GPC6: variants seen among roughly 807,000 people sequenced by gnomAD.
GPC6 encodes glypican-6.
GPC6 carries 14 observed loss-of-function variants against 55.2 expected under a neutral mutation model. That is an observed-to-expected ratio of 0.25 (90% CI 0.17 to 0.40). The LOEUF (loss-of-function observed/expected upper bound fraction) is 0.40, where lower values mean the gene tolerates loss of function less well. Ranked by LOEUF, GPC6 falls within the 10% of genes least tolerant of loss-of-function variation. The pLI is 1.00. For synonymous variants in GPC6, 278 were observed against 259.6 expected (o/e 1.07, Z -0.68); for missense variants, 641 against 708.5 (o/e 0.90, Z 1.08).
At chr13:93,459,217 C>T (rs1170448461) in intron 1 of GPC6, among the ~76,000 whole-genome samples, 2 of 152,150 alleles carry the variant, frequency 1.3e-5, no homozygotes, top group Non-Finnish European at 1.5e-5. Context: ...GGCCACCACA[C>T]CCAGCCAATT....
At chr13:93,667,322 G>A (rs1253914296) in intron 2 of GPC6, among the ~76,000 whole-genome samples, 3 of 152,020 alleles carry the variant, frequency 2.0e-5, no homozygotes, top group Non-Finnish European at 2.9e-5. Flanking sequence ...GATAATTCCA[G>A]ACGATGTAAA....
intron 1 of GPC6, among the ~76,000 whole-genome samples, chr13:93,382,453 C>T (rs1875221288): frequency 3.3e-5 from 5 of 152,090 alleles, no homozygotes; most frequent in Middle Eastern, 3.4e-3. Flanking sequence ...ACTTTTTCTC[C>T]ACTTTGTATT....
intron 2 of GPC6, among the ~76,000 whole-genome samples, chr13:93,666,344 T>TA (rs1035319043): frequency 4.2e-4 from 62 of 146,466 alleles, no homozygotes; most frequent in African/African-American, 7.0e-4. Flanking sequence ...ATTTATACTT[T>TA]AAAAAAAAAA....
In GPC6 at chr13:93,664,657, G is replaced by A. The variant is rs532102580; in HGVS notation, c.319+119236G>A. Among the ~76,000 whole-genome samples, 18 of 151,988 alleles carry A rather than the reference G, an allele frequency of 1.2e-4. No homozygotes were observed. In the South Asian group the frequency reaches 2.3e-3, roughly 19 times the overall value. On this transcript the variant is annotated intron_variant, in intron 2 of 8. Transcript: ENST00000377047. ...TTTTGAGACAGAGTCTCACTCTGTC[G>A]CCCAGGCTGGAGTGCAGTCATGTGA...
chr13:93,735,137 T>C (rs1883951900), intron 2 of GPC6, among the ~76,000 whole-genome samples: 2 of 152,272 alleles, frequency 1.3e-5, no homozygotes, highest in Middle Eastern at 3.4e-3. Flanking sequence ...TGTTTTCCAA[T>C]ATAAAGGAAA....
chr13:94,018,942 C>T (rs1181940876), intron 3 of GPC6, among the ~76,000 whole-genome samples: 1 of 152,192 alleles, frequency 6.6e-6, no homozygotes, highest in Non-Finnish European at 1.5e-5. Flanking sequence ...ACCATTCCCC[C>T]ACCCCCACAC....
At chr13:94,178,218 T>G (rs1012262336) in intron 4 of GPC6, among the ~76,000 whole-genome samples, 1 of 152,044 alleles carries the variant, frequency 6.6e-6, no homozygotes, top group Non-Finnish European at 1.5e-5. Context: ...AGGTTGCTCT[T>G]GAACTCCTGA....
intron 1 of GPC6, among the ~76,000 whole-genome samples, chr13:93,286,405 T>C (rs1214230034): frequency 6.6e-6 from 1 of 152,180 alleles, no homozygotes; most frequent in Non-Finnish European, 1.5e-5. Context: ...GTTGAATTAG[T>C]GAGCTCAGAG....
intron 7 of GPC6, among the ~76,000 whole-genome samples, chr13:94,395,194 A>G (rs1437958513): frequency 6.6e-6 from 1 of 152,184 alleles, no homozygotes; most frequent in African/African-American, 2.4e-5. Context: ...AGTAATAGTC[A>G]ATCCAATGGC....
intron 4 of GPC6, among the ~76,000 whole-genome samples, chr13:94,272,951 A>T (rs1892093361): frequency 6.6e-6 from 1 of 152,124 alleles, no homozygotes; most frequent in African/African-American, 2.4e-5. Context: ...ACACATGAAG[A>T]GGGTGAACTG....
intron 2 of GPC6, among the ~76,000 whole-genome samples, chr13:93,769,848 A>G (rs1885235548): frequency 6.6e-6 from 1 of 152,214 alleles, no homozygotes; most frequent in African/African-American, 2.4e-5. Flanking sequence ...GGTAGGCACC[A>G]GCATCACCTG....
In GPC6 at chr13:94,151,448, G is replaced by A. The variant is rs555867156; in HGVS notation, c.877+123554G>A. ...GTTATGTTTTCCGAATCCCTCTGTGGCTTCTCTTGTAAGTGAGCAGGACAC... is the reference window on the plus strand; with the variant it reads ...GTTATGTTTTCCGAATCCCTCTGTGACTTCTCTTGTAAGTGAGCAGGACAC... On this transcript the variant is annotated intron_variant, in intron 4 of 8. Transcript: ENST00000377047. Among the ~76,000 whole-genome samples, 34 of 152,192 alleles carry A rather than the reference G, an allele frequency of 2.2e-4. 1 individual carries two copies. The South Asian group carries it at 7.0e-3, about 32-fold the overall frequency.
intron 4 of GPC6, among the ~76,000 whole-genome samples, chr13:94,070,159 C>T (rs1308163405): frequency 2.0e-5 from 3 of 152,176 alleles, no homozygotes; most frequent in African/African-American, 7.2e-5. Flanking sequence ...TTACATCTTA[C>T]AAGGATGGCG....
rs140850732 is a variant in GPC6 at position 94,119,046 on chromosome 13, G to GTA, written c.877+91163_877+91164dup. On this transcript the variant is annotated intron_variant, in intron 4 of 8. Coordinates refer to ENST00000377047, the MANE Select transcript of GPC6 (RefSeq NM_005708.5). ...TGTGTACACTTGCATATATGTATGT[G>GTA]TATATATATATACATTTAAAATTAC... is the stretch of plus-strand genomic sequence containing the variant. Among the ~76,000 whole-genome samples the GTA allele has an allele frequency of 4.5e-3, 684 of 151,314 alleles. 11 individuals are homozygous for GTA. In the East Asian group the frequency reaches 0.069, roughly 15 times the overall value.
At chr13:94,015,224 G>C (rs1002405925) in intron 3 of GPC6, among the ~76,000 whole-genome samples, 7 of 151,894 alleles carry the variant, frequency 4.6e-5, no homozygotes, top group African/African-American at 1.7e-4. Context: ...TTTTATTATT[G>C]TCATCTTAAT....
At chr13:93,819,795 C>T (rs1255030135) in intron 2 of GPC6, among the ~76,000 whole-genome samples, 2 of 152,296 alleles carry the variant, frequency 1.3e-5, no homozygotes, top group East Asian at 1.9e-4. Context: ...ACCATGAGAA[C>T]ATAAATGGCC....
rs1225681759 is a variant in GPC6 at position 94,142,661 on chromosome 13, T to A, written c.877+114767T>A. ...TTCTTTGAGTTATTGAAACCGGGTG[T>A]TGTCTTGCTTTTCCTCCCATACTTA... On this transcript the variant is annotated intron_variant, in intron 4 of 8. Coordinates refer to ENST00000377047, the MANE Select transcript of GPC6 (RefSeq NM_005708.5). 2.0e-5 allele frequency among the ~76,000 whole-genome samples: 3 copies of A among 152,026 alleles called. No homozygotes were observed. In the East Asian group the frequency reaches 5.8e-4, roughly 29 times the overall value.
At chr13:93,601,834 C>T (rs965251094) in intron 2 of GPC6, among the ~76,000 whole-genome samples, 7 of 152,222 alleles carry the variant, frequency 4.6e-5, no homozygotes, top group Admixed American at 6.5e-5. Flanking sequence ...AAGAGCATGG[C>T]GATGGCAGGA....
chr13:93,348,117 G>C (rs943224759), intron 1 of GPC6, among the ~76,000 whole-genome samples: 1 of 152,122 alleles, frequency 6.6e-6, no homozygotes, highest in Admixed American at 6.5e-5. Flanking sequence ...CTCTTGTGAA[G>C]GATACAAAAA....
Sources: allele counts gnomAD v4.1 joint callset (sites outside exome capture counted in the v4.1 genomes callset), GRCh38; gene constraint gnomAD v4.1.1; transcripts MANE v1.5; gene names NCBI Gene and HGNC (gene_info 2026-07-23, HGNC 2026-07-21).